SLC22A3: variants seen among roughly 807,000 people sequenced by gnomAD.
The protein encoded by SLC22A3 is solute carrier family 22 member 3.
A neutral mutation model predicts 59.1 loss-of-function variants in SLC22A3; 51 were observed. That is an observed-to-expected ratio of 0.86 (90% CI 0.69 to 1.09). The LOEUF (loss-of-function observed/expected upper bound fraction) is 1.09, where lower values mean the gene tolerates loss of function less well. Ranked by LOEUF, SLC22A3 falls within the 50% of genes least tolerant of loss-of-function variation. SLC22A3 has a pLI of 0.00. For missense variants in SLC22A3, 711 were observed against 726.3 expected (o/e 0.98, Z 0.24); for synonymous variants, 325 against 292.0 (o/e 1.11, Z -1.15).
chr6:160,383,185 CATT>C (rs1379823951), intron 1 of SLC22A3, among the ~76,000 whole-genome samples: 1 of 152,184 alleles, frequency 6.6e-6, no homozygotes, highest in Non-Finnish European at 1.5e-5. Context: ...TTTCCTTAGG[CATT>C]ATAGAATTAA....
intron 1 of SLC22A3, 45 bp downstream of exon 1, chr6:160,348,893 G>A: frequency 1.3e-6 from 2 of 1,539,918 alleles, no homozygotes. Flanking sequence ...AGAGGACGAT[G>A]CTGGCTCCCA....
intron 5 of SLC22A3, among the ~76,000 whole-genome samples, chr6:160,424,057 T>G (rs893920385): frequency 9.9e-5 from 15 of 152,188 alleles, no homozygotes; most frequent in African/African-American, 2.7e-4. Flanking sequence ...TCTTTAGTGA[T>G]GAACATGGAG....
chr6:160,424,217 A>G (rs1787866113), intron 5 of SLC22A3, among the ~76,000 whole-genome samples: 1 of 152,226 alleles, frequency 6.6e-6, no homozygotes, highest in Non-Finnish European at 1.5e-5. Flanking sequence ...TCCACAAACC[A>G]TTAGCAACCA....
At chr6:160,390,099 A>G (rs1786190691) in intron 1 of SLC22A3, among the ~76,000 whole-genome samples, 1 of 152,212 alleles carries the variant, frequency 6.6e-6, no homozygotes, top group Non-Finnish European at 1.5e-5. Context: ...TACTTTTTTA[A>G]ACAGACTCCT....
Position 160,382,865 on chromosome 6 carries a change from T to C in SLC22A3, c.430-15114T>C, listed in dbSNP as rs189155161. Among the ~76,000 whole-genome samples the C allele has an allele frequency of 1.0e-3, 158 of 152,222 alleles. 1 individual carries two copies. Among genetic ancestry groups the C allele is most frequent in the Non-Finnish European group, 1.9e-3 (126 of 67,998 alleles). ...CAGAGAAATTACATTATTAAAAAAA[T>C]GGAAATTCCAGAGCTGAACAAGTAC... is the stretch of plus-strand genomic sequence containing the variant. On this transcript the variant is annotated intron_variant, in intron 1 of 10. Transcript: ENST00000275300.
chr6:160,360,980 G>A (rs566178383), intron 1 of SLC22A3, among the ~76,000 whole-genome samples: 3 of 152,106 alleles, frequency 2.0e-5, no homozygotes, highest in Admixed American at 6.6e-5. Flanking sequence ...GTAAGAGGAG[G>A]GCTTCCTCTA....
At chr6:160,428,553 T>C (rs1788044945) in intron 5 of SLC22A3, among the ~76,000 whole-genome samples, 1 of 152,376 alleles carries the variant, frequency 6.6e-6, no homozygotes, top group African/African-American at 2.4e-5. Context: ...TAATTTCATA[T>C]TGGTTACACC....
chr6:160,358,949 G>A (rs76596562), intron 1 of SLC22A3, among the ~76,000 whole-genome samples: 2,818 of 152,328 alleles, frequency 0.018, 42 homozygotes, highest in Middle Eastern at 0.027. Context: ...CTGTGGGGCT[G>A]CAGGGCTTGA....
chr6:160,382,975 A>AT (rs1385067525), intron 1 of SLC22A3, among the ~76,000 whole-genome samples: 3 of 152,202 alleles, frequency 2.0e-5, no homozygotes, highest in African/African-American at 4.8e-5. Flanking sequence ...TTGACAATAG[A>AT]TTTTTAAAAA....
chr6:160,436,944 C>A, intron 6 of SLC22A3, 53 bp from the exon 7 acceptor site: 1 of 1,608,790 alleles, frequency 6.2e-7, no homozygotes, highest in Non-Finnish European at 8.5e-7. Context: ...TCCTTCAAAT[C>A]AGCTTGAAGT....
chr6:160,433,373 T>A (rs1325257073), intron 5 of SLC22A3, among the ~76,000 whole-genome samples: 2 of 152,264 alleles, frequency 1.3e-5, no homozygotes, highest in East Asian at 3.9e-4. Context: ...AACTGAAAAA[T>A]CTACAAATGT....
chr6:160,426,763 C>T (rs539900010), intron 5 of SLC22A3, among the ~76,000 whole-genome samples: 6 of 152,240 alleles, frequency 3.9e-5, no homozygotes, highest in East Asian at 1.9e-4. Flanking sequence ...TAATTGTGAT[C>T]GGTGTTTTCA....
intron 1 of SLC22A3, among the ~76,000 whole-genome samples, chr6:160,349,681 C>A (rs1259705748): frequency 6.6e-6 from 1 of 152,138 alleles, no homozygotes; most frequent in Non-Finnish European, 1.5e-5. Flanking sequence ...TGCATCCTTG[C>A]TGAAATGGAA....
intron 2 of SLC22A3, among the ~76,000 whole-genome samples, chr6:160,406,597 CAA>C (rs1477839650): frequency 1.3e-5 from 2 of 152,206 alleles, no homozygotes; most frequent in Non-Finnish European, 2.9e-5. Context: ...AACAAGCAAG[CAA>C]AACCTTCGTT....
chr6:160,449,351 ATTCT>A (rs1341779868), intron 10 of SLC22A3, among the ~76,000 whole-genome samples: 7 of 152,102 alleles, frequency 4.6e-5, no homozygotes, highest in African/African-American at 1.4e-4. Context: ...AGGTACCCAG[ATTCT>A]TTCTAATTTT....
At chr6:160,377,981 C>T (rs904339573) in intron 1 of SLC22A3, among the ~76,000 whole-genome samples, 1 of 152,168 alleles carries the variant, frequency 6.6e-6, no homozygotes, top group African/African-American at 2.4e-5. Context: ...TTCTCCTAAT[C>T]TAATGGTAAT....
At chr6:160,443,183 CA>C (rs1446015686) in intron 8 of SLC22A3, among the ~76,000 whole-genome samples, 1 of 152,266 alleles carries the variant, frequency 6.6e-6, no homozygotes, top group East Asian at 1.9e-4. Flanking sequence ...CTGTATCCAT[CA>C]GCATCACCTG....
chr6:160,447,682 C>T, intron 9 of SLC22A3, 37 bp from the exon 10 acceptor site: 4 of 1,578,998 alleles, frequency 2.5e-6, no homozygotes, highest in Non-Finnish European at 3.5e-6. Flanking sequence ...CCAGCTGTGT[C>T]TTCCTGGAGC....
intron 1 of SLC22A3, 143 bp from the exon 2 acceptor site, chr6:160,397,836 T>C (rs929692565): frequency 5.8e-6 from 4 of 695,318 alleles, no homozygotes; most frequent in African/African-American, 3.5e-5. Flanking sequence ...AATGTAAACA[T>C]ACGTATGTGA....
Sources: gnomAD v4.1 joint callset for allele counts (sites outside exome capture counted in the v4.1 genomes callset) on GRCh38, gnomAD v4.1.1 for gene constraint, MANE v1.5 for transcripts, NCBI Gene and HGNC (gene_info 2026-07-23, HGNC 2026-07-21) for gene names.